The following GNG12 variants were observed in gnomAD, a reference collection of about 807,000 sequenced individuals.
GNG12 encodes G protein subunit gamma 12.
For synonymous variants in GNG12, 28 were observed against 29.7 expected, an observed-to-expected ratio of 0.94 and a Z score of 0.19; for missense variants, 69 against 83.8, an observed-to-expected ratio of 0.82 and a Z score of 0.69.
chr1:67,815,342 ATAG>A (rs1646947926), intron 1 of GNG12, among the ~76,000 whole-genome samples: 1 of 152,220 alleles, frequency 6.6e-6, no homozygotes, highest in Middle Eastern at 3.2e-3. Context: ...TCAAAATTCA[ATAG>A]CCTACATACA....
At chr1:67,757,886 C>T (rs78944657) in intron 2 of GNG12, among the ~76,000 whole-genome samples, 3,611 of 152,268 alleles carry the variant, frequency 0.024, 153 homozygotes, top group African/African-American at 0.083. Flanking sequence ...AAAAAGAAAA[C>T]GCAGCAATGG....
At chr1:67,816,277 AC>A (rs1350730131) in intron 1 of GNG12, among the ~76,000 whole-genome samples, 2 of 152,124 alleles carry the variant, frequency 1.3e-5, no homozygotes, top group Admixed American at 1.3e-4. Context: ...ATTACAGCCG[AC>A]CGTAGTAACT....
chr1:67,801,425 T>C (rs982574476), intron 1 of GNG12, among the ~76,000 whole-genome samples: 4 of 152,184 alleles, frequency 2.6e-5, no homozygotes, highest in African/African-American at 9.7e-5. Flanking sequence ...CCCAGGTCTT[T>C]GGGCACCAAA....
chr1:67,712,246 G>T (rs1366511001), intron 2 of GNG12, among the ~76,000 whole-genome samples: 2 of 152,212 alleles, frequency 1.3e-5, no homozygotes, highest in African/African-American at 4.8e-5. Context: ...CTTACACCAA[G>T]AATAGCTTCC....
intron 1 of GNG12, among the ~76,000 whole-genome samples, chr1:67,784,968 CAG>C (rs1489775684): frequency 6.6e-6 from 1 of 152,134 alleles, no homozygotes; most frequent in Non-Finnish European, 1.5e-5. Context: ...GCAGAGAAAA[CAG>C]ATCCAAACAG....
At chr1:67,727,742 A>G (rs1166824333) in intron 2 of GNG12, among the ~76,000 whole-genome samples, 1 of 152,226 alleles carries the variant, frequency 6.6e-6, no homozygotes, top group African/African-American at 2.4e-5. Flanking sequence ...AATGCCATCA[A>G]AAGATAGCAA....
intron 1 of GNG12, among the ~76,000 whole-genome samples, chr1:67,820,948 TA>T (rs1216924152): frequency 1.3e-5 from 2 of 152,262 alleles, no homozygotes; most frequent in African/African-American, 4.8e-5. Flanking sequence ...ACCACTATGA[TA>T]ATGATGTCAA....
chr1:67,804,803 G>A lies in GNG12; in HGVS notation c.-76-27296C>T, dbSNP rs1307881407. 3.3e-5 allele frequency among the ~76,000 whole-genome samples: 5 copies of A among 152,088 alleles called. No homozygotes were observed. In the East Asian group the frequency reaches 9.7e-4, roughly 29 times the overall value. On this transcript the variant is annotated intron_variant, in intron 1 of 3. Coordinates refer to ENST00000370982, the MANE Select transcript of GNG12 (RefSeq NM_018841.6). The stretch of plus-strand genomic sequence containing the variant: ...TAGAGACTTCGTGTGGACAAGTCAG[G>A]GAGTTAAAAACTTCAGGGGAATCTA...
chr1:67,788,775 T>C (rs1008067982), intron 1 of GNG12, among the ~76,000 whole-genome samples: 1 of 152,228 alleles, frequency 6.6e-6, no homozygotes, highest in African/African-American at 2.4e-5. Flanking sequence ...ATGGCTTACA[T>C]TCTTACTGTT....
chr1:67,763,653 C>T (rs564050391), intron 2 of GNG12, among the ~76,000 whole-genome samples: 58 of 152,198 alleles, frequency 3.8e-4, no homozygotes, highest in African/African-American at 1.4e-3. Flanking sequence ...CTGCCTCAGC[C>T]TCCAGGGTAG....
At chr1:67,709,514 A>C (rs1260700067) in intron 2 of GNG12, among the ~76,000 whole-genome samples, 1 of 152,066 alleles carries the variant, frequency 6.6e-6, no homozygotes, top group Admixed American at 6.6e-5. Context: ...ACAGAAAACT[A>C]GGAGGATGAA....
intron 1 of GNG12, among the ~76,000 whole-genome samples, chr1:67,823,082 T>C (rs1446744497): frequency 6.6e-6 from 1 of 152,048 alleles, no homozygotes; most frequent in Non-Finnish European, 1.5e-5. Flanking sequence ...GATGGTGAAA[T>C]TAAAGGGAGA....
intron 1 of GNG12, among the ~76,000 whole-genome samples, chr1:67,802,571 A>C (rs1646872493): frequency 6.6e-6 from 1 of 152,288 alleles, no homozygotes; most frequent in Middle Eastern, 3.4e-3. Flanking sequence ...TCATATATTA[A>C]GATTATGGGA....
chr1:67,814,077 A>C (rs1351165872), intron 1 of GNG12, among the ~76,000 whole-genome samples: 1 of 152,152 alleles, frequency 6.6e-6, no homozygotes, highest in African/African-American at 2.4e-5. Flanking sequence ...CCTGCTCTCT[A>C]ATACTACATG....
At chr1:67,722,951 C>T (rs1463514784) in intron 2 of GNG12, among the ~76,000 whole-genome samples, 1 of 152,138 alleles carries the variant, frequency 6.6e-6, no homozygotes, top group Admixed American at 6.5e-5. Flanking sequence ...GATTCTCTAT[C>T]TGTAAAACAG....
At chr1:67,716,256 C>A (rs1056231640) in intron 2 of GNG12, among the ~76,000 whole-genome samples, 1 of 152,180 alleles carries the variant, frequency 6.6e-6, no homozygotes, top group East Asian at 1.9e-4. Flanking sequence ...CTCAACAGAG[C>A]TCATTCTGTA....
intron 1 of GNG12, among the ~76,000 whole-genome samples, chr1:67,815,763 A>T (rs1168465050): frequency 6.6e-6 from 1 of 152,114 alleles, no homozygotes; most frequent in Non-Finnish European, 1.5e-5. Flanking sequence ...ATTTGTGCCC[A>T]AAGGCTTCTC....
At chr1:67,790,319 C>T (rs531477460) in intron 1 of GNG12, among the ~76,000 whole-genome samples, 5 of 152,156 alleles carry the variant, frequency 3.3e-5, no homozygotes, top group African/African-American at 9.7e-5. Context: ...TTTTTACATA[C>T]ATTCTGAACT....
chr1:67,707,618 TA>T lies in GNG12; in HGVS notation c.68del (p.Leu23Ter). On this transcript the variant is annotated frameshift_variant, in exon 3 of 4. Coordinates refer to ENST00000370982, the MANE Select transcript of GNG12 (RefSeq NM_018841.6). LOFTEE classifies it high-confidence loss of function. Reference protein sequence around the residue: ...QARRTVQQLRLEASIERIKVS... With the variant: ...QARRTVQQLRXEASIERIKVS... ...CCTTTATTCTTTCAATGGAGGCTTCTAATCTTAACTGCTGCACAGTTCTCCT... is the reference window on the plus strand; with the variant it reads ...CCTTTATTCTTTCAATGGAGGCTTCTATCTTAACTGCTGCACAGTTCTCCT... The T allele has an allele frequency of 6.3e-7, 1 of 1,599,248 alleles. No individual in the cohort carries two copies. Among genetic ancestry groups the T allele is most frequent in the Non-Finnish European group, 8.5e-7 (1 of 1,169,754 alleles).
Sources: allele counts gnomAD v4.1 joint callset (sites outside exome capture counted in the v4.1 genomes callset), GRCh38; gene constraint gnomAD v4.1.1; transcripts MANE v1.5; gene names NCBI Gene and HGNC (gene_info 2026-07-23, HGNC 2026-07-21).